TNRC6C: variants seen among roughly 807,000 people sequenced by gnomAD.
TNRC6C encodes the protein trinucleotide repeat containing adaptor 6C.
A neutral mutation model predicts 153.7 loss-of-function variants in TNRC6C; 20 were observed. The observed-to-expected ratio is 0.13, with a 90% CI of 0.09 to 0.19. The LOEUF (loss-of-function observed/expected upper bound fraction) is 0.19, where lower values mean the gene tolerates loss of function less well. Among genes scored for constraint, TNRC6C ranks in the 10% least tolerant of loss-of-function variants. The pLI is 1.00. For synonymous variants in TNRC6C, 811 were observed against 841.4 expected, an observed-to-expected ratio of 0.96 and a Z score of 0.63; for missense variants, 1,987 against 2,172.0, an observed-to-expected ratio of 0.91 and a Z score of 1.69.
intron 3 of TNRC6C, among the ~76,000 whole-genome samples, chr17:78,052,741 C>T (rs576207668): frequency 6.6e-6 from 1 of 151,730 alleles, no homozygotes; most frequent in South Asian, 2.1e-4. Flanking sequence ...CCAGCCTCCT[C>T]GTAGACTTCT....
chr17:78,081,109 A>C (rs981940956), intron 10 of TNRC6C, among the ~76,000 whole-genome samples: 1 of 152,126 alleles, frequency 6.6e-6, no homozygotes, highest in African/African-American at 2.4e-5. Context: ...TTTCTCATAG[A>C]TGGCAACTTT....
intron 3 of TNRC6C, among the ~76,000 whole-genome samples, chr17:78,051,691 C>T (rs1286538682): frequency 2.0e-5 from 3 of 151,934 alleles, no homozygotes; most frequent in East Asian, 1.9e-4. Flanking sequence ...GAACATCAAG[C>T]GAATGTTTTG....
chr17:78,058,616 C>G (rs554526824), intron 3 of TNRC6C, among the ~76,000 whole-genome samples: 1 of 152,218 alleles, frequency 6.6e-6, no homozygotes, highest in Non-Finnish European at 1.5e-5. Flanking sequence ...TGTCTTCCAA[C>G]AATGGCTAGA....
At chr17:77,987,039 G>T (rs377526421) in intron 1 of TNRC6C, among the ~76,000 whole-genome samples, 2 of 152,108 alleles carry the variant, frequency 1.3e-5, no homozygotes, top group Non-Finnish European at 2.9e-5. Flanking sequence ...TTTGATTAGC[G>T]TTTAAAACTT....
chr17:78,096,524 G>A (rs1335078021), intron 16 of TNRC6C, among the ~76,000 whole-genome samples: 1 of 152,260 alleles, frequency 6.6e-6, no homozygotes, highest in East Asian at 1.9e-4. Flanking sequence ...CAGGGCAGCT[G>A]CAAACAGCTG....
chr17:77,957,877 G>A (rs1206573659), upstream of TNRC6C, among the ~76,000 whole-genome samples: 2 of 152,254 alleles, frequency 1.3e-5, no homozygotes, highest in African/African-American at 4.8e-5. Context: ...GGGTGCGTAG[G>A]CGCCGGAGCG....
intron 11 of TNRC6C, among the ~76,000 whole-genome samples, chr17:78,084,987 G>A (rs972615610): frequency 7.9e-5 from 12 of 152,164 alleles, no homozygotes; most frequent in Admixed American, 4.6e-4. Context: ...AGGAATCGCT[G>A]TGGGGAGGCA....
At chr17:77,968,852 A>G (rs1028922195) in intron 1 of TNRC6C, among the ~76,000 whole-genome samples, 1 of 152,090 alleles carries the variant, frequency 6.6e-6, no homozygotes, top group African/African-American at 2.4e-5. Flanking sequence ...CTTACTTTTT[A>G]TTTGTCTTTC....
chr17:78,015,508 G>A (rs1252050194), intron 1 of TNRC6C, among the ~76,000 whole-genome samples: 1 of 152,164 alleles, frequency 6.6e-6, no homozygotes, highest in African/African-American at 2.4e-5. Flanking sequence ...GGCAGCCCAC[G>A]GGATTCTAAT....
intron 1 of TNRC6C, among the ~76,000 whole-genome samples, chr17:78,012,289 GAT>G (rs1245461174): frequency 3.3e-5 from 5 of 152,290 alleles, no homozygotes; most frequent in Non-Finnish European, 4.4e-5. Context: ...AGATGGCAGA[GAT>G]CAGTTCCCTG....
chr17:78,105,360 T>C (rs1304198871), exon 20 of TNRC6C: 2 of 152,896 alleles, frequency 1.3e-5, no homozygotes, highest in African/African-American at 4.8e-5. Context: ...AGGCGCGGGC[T>C]GCGATCTGCT....
intron 3 of TNRC6C, among the ~76,000 whole-genome samples, chr17:78,055,491 G>A (rs748727529): frequency 1.3e-5 from 2 of 152,174 alleles, no homozygotes; most frequent in Admixed American, 6.5e-5. Context: ...AATGCATTCC[G>A]CTACATTATG....
exon 3 of TNRC6C, chr17:78,051,156 G>A (rs536444539): frequency 1.5e-5 from 23 of 1,576,306 alleles, no homozygotes; most frequent in South Asian, 2.4e-5. Flanking sequence ...GGCCGGTACC[G>A]GTCAAACAGA....
rs1173199281 is a variant in TNRC6C, at chr17:78,077,168, T to C, written c.3061-17T>C. On this transcript the variant is annotated splice_polypyrimidine_tract_variant and intron_variant, in intron 8 of 19. Coordinates refer to ENST00000301624, the Ensembl canonical transcript of TNRC6C. ...GATGGACACTGCACACAGCTCACCCTTTCTTTCTCCAATCAGGATGGCGGC... is the reference window on the plus strand; with the variant it reads ...GATGGACACTGCACACAGCTCACCCCTTCTTTCTCCAATCAGGATGGCGGC... The C allele has an allele frequency of 6.3e-7, 1 of 1,595,970 alleles. No individual in the cohort carries two copies. The highest frequency in any genetic ancestry group is 8.5e-7 in the Non-Finnish European group (1 of 1,172,220).
intron 11 of TNRC6C, among the ~76,000 whole-genome samples, chr17:78,084,544 A>G (rs2073243200): frequency 6.6e-5 from 10 of 151,962 alleles, no homozygotes; most frequent in Admixed American, 6.6e-4. Flanking sequence ...CCTCGCTTTA[A>G]TGGAAAGCAC....
rs114493241 is a variant in TNRC6C, at chr17:77,959,725, C to A, written c.-38+457C>A. On this transcript the variant is annotated intron_variant, in intron 1 of 22. Transcript: ENST00000636222. ...GGGTGGGCGGAGAAGGACCCCTGGG[C>A]GCTCTGCGGCTCTGAAATCAGGTGG... Among the ~76,000 whole-genome samples the A allele has an allele frequency of 9.4e-3, 1,429 of 152,104 alleles. 21 individuals are homozygous for A. Among genetic ancestry groups the A allele is most frequent in the African/African-American group, 0.033 (1,370 of 41,484 alleles).
intron 1 of TNRC6C, among the ~76,000 whole-genome samples, chr17:77,990,419 TG>T (rs920087859): frequency 6.6e-6 from 1 of 152,226 alleles, no homozygotes. Context: ...CCCACCAGAC[TG>T]GGTGTAGCCA....
At chr17:77,967,670 AAAC>A (rs1238290960) in intron 1 of TNRC6C, among the ~76,000 whole-genome samples, 2 of 152,234 alleles carry the variant, frequency 1.3e-5, no homozygotes, top group Non-Finnish European at 2.9e-5. Context: ...AATCATGAAA[AAAC>A]AATGTGTGAC....
intron 2 of TNRC6C, among the ~76,000 whole-genome samples, chr17:78,044,171 A>C (rs1275907050): frequency 1.3e-5 from 2 of 152,204 alleles, no homozygotes; most frequent in Non-Finnish European, 2.9e-5. Context: ...AAAGATTTTG[A>C]GCTATCAGTT....
Sources: allele counts gnomAD v4.1 joint callset (sites outside exome capture counted in the v4.1 genomes callset), GRCh38; gene constraint gnomAD v4.1.1; transcripts MANE v1.5; gene names NCBI Gene and HGNC (gene_info 2026-07-23, HGNC 2026-07-21).